The following RAD18 variants were observed in gnomAD, a reference collection of about 807,000 sequenced individuals.
RAD18 encodes the protein RAD18 E3 ubiquitin protein ligase.
In RAD18, 47 loss-of-function variants were observed where a neutral mutation model predicts 60.4. That is an observed-to-expected ratio of 0.78 (90% CI 0.62 to 0.99). The LOEUF is 0.99. Ranked by LOEUF, RAD18 falls within the 50% of genes least tolerant of loss-of-function variation. The pLI is 0.00. For synonymous variants in RAD18, 225 were observed against 195.5 expected, an observed-to-expected ratio of 1.15 and a Z score of -1.26; for missense variants, 640 against 593.3, an observed-to-expected ratio of 1.08 and a Z score of -0.82.
At chr3:8,957,224 G>A (rs577368326) in intron 2 of RAD18, among the ~76,000 whole-genome samples, 90 of 152,184 alleles carry the variant, frequency 5.9e-4, no homozygotes, top group Non-Finnish European at 2.5e-4. Context: ...CTGAAGACTC[G>A]GCATTGTTAA....
chr3:8,934,380 C>T (rs1940615114), intron 7 of RAD18, among the ~76,000 whole-genome samples: 1 of 152,092 alleles, frequency 6.6e-6, no homozygotes. Context: ...CAGGAAATTT[C>T]AATTACTCCC....
At chr3:8,945,774 T>C (rs1274105997) in intron 4 of RAD18, among the ~76,000 whole-genome samples, 2 of 152,178 alleles carry the variant, frequency 1.3e-5, no homozygotes, top group African/African-American at 2.4e-5. Context: ...CCGGCCTCCA[T>C]CTTCATTTTT....
intron 9 of RAD18, among the ~76,000 whole-genome samples, chr3:8,906,351 C>T (rs1940000899): frequency 6.6e-6 from 1 of 152,132 alleles, no homozygotes; most frequent in Admixed American, 6.5e-5. Flanking sequence ...CTTGACCCAA[C>T]ACCCCCCTCC....
At chr3:8,898,804 C>T in intron 11 of RAD18, 90 bp downstream of exon 11, 1 of 1,191,906 alleles carries the variant, frequency 8.4e-7, no homozygotes. Context: ...TGCCATGCCT[C>T]AAAGCTACAT....
At chr3:8,932,389 C>CA (rs1940576215) in intron 7 of RAD18, among the ~76,000 whole-genome samples, 1 of 151,958 alleles carries the variant, frequency 6.6e-6, no homozygotes, top group South Asian at 2.1e-4. Context: ...ATACAAATAG[C>CA]AAATAAAACT....
At chr3:8,920,245 C>T (rs570276054) in intron 7 of RAD18, among the ~76,000 whole-genome samples, 1 of 143,716 alleles carries the variant, frequency 7.0e-6, no homozygotes, top group South Asian at 2.2e-4. Context: ...TGCCACTGCA[C>T]TCCAGCCTGG....
At position 8,889,688 on chromosome 3, in the gene RAD18, G is replaced by T. The variant is rs59228286; in HGVS notation, c.1385+701C>A. Among the ~76,000 whole-genome samples the T allele has an allele frequency of 3.9e-3, 595 of 152,274 alleles. 7 individuals are homozygous for T. The highest frequency in any genetic ancestry group is 0.014 in the African/African-American group (570 of 41,554). Reference sequence around the variant, plus strand: ...TAAGACATCTATATGATGAAGCAGAGAGAATATGAAGTAAATAATAAGAGA... The same window carrying T: ...TAAGACATCTATATGATGAAGCAGATAGAATATGAAGTAAATAATAAGAGA... On this transcript the variant is annotated intron_variant, in intron 12 of 12. Coordinates refer to ENST00000264926, the MANE Select transcript of RAD18 (RefSeq NM_020165.4).
At chr3:8,881,536 C>A in intron 12 of RAD18, 77 bp from the exon 13 acceptor site, 1 of 1,175,510 alleles carries the variant, frequency 8.5e-7, no homozygotes. Context: ...CAAGTGTTTT[C>A]ACACATATTA....
chr3:8,889,068 T>C (rs1314404728), intron 12 of RAD18, among the ~76,000 whole-genome samples: 3 of 152,186 alleles, frequency 2.0e-5, no homozygotes, highest in Non-Finnish European at 4.4e-5. Context: ...CATAAAATGC[T>C]ACTGCTTGAA....
At chr3:8,947,323 C>T (rs781185383) in intron 3 of RAD18, 33 bp from the exon 4 acceptor site, 2 of 1,498,862 alleles carry the variant, frequency 1.3e-6, no homozygotes, top group Non-Finnish European at 1.9e-6. Context: ...GGAAAAAGGT[C>T]AAAAACAATA....
intron 4 of RAD18, among the ~76,000 whole-genome samples, chr3:8,946,650 C>A (rs147875582): frequency 6.6e-6 from 1 of 152,140 alleles, no homozygotes; most frequent in Non-Finnish European, 1.5e-5. Context: ...AAAGTACAAG[C>A]AATTACATAT....
intron 7 of RAD18, among the ~76,000 whole-genome samples, chr3:8,927,753 C>G (rs1453515441): frequency 2.0e-5 from 3 of 152,136 alleles, no homozygotes; most frequent in Admixed American, 2.0e-4. Flanking sequence ...AGTTCATGTC[C>G]TTTGTAGGGA....
chr3:8,906,184 G>GA (rs1939998749), intron 9 of RAD18, among the ~76,000 whole-genome samples: 1 of 152,090 alleles, frequency 6.6e-6, no homozygotes, highest in Non-Finnish European at 1.5e-5. Context: ...ACCATTTTGT[G>GA]AAGCTTTTGT....
chr3:8,887,559 T>C (rs763200687), intron 12 of RAD18, among the ~76,000 whole-genome samples: 1 of 152,228 alleles, frequency 6.6e-6, no homozygotes, highest in African/African-American at 2.4e-5. Flanking sequence ...TGTTGTTGCT[T>C]TTTGGTTGGC....
chr3:8,885,884 C>G (rs1033743515), intron 12 of RAD18, among the ~76,000 whole-genome samples: 17 of 152,164 alleles, frequency 1.1e-4, no homozygotes, highest in Non-Finnish European at 1.5e-5. Context: ...CATAAAGGCA[C>G]CCAACTGCTC....
At chr3:8,954,715 T>A (rs572054280) in intron 2 of RAD18, among the ~76,000 whole-genome samples, 76 of 152,274 alleles carry the variant, frequency 5.0e-4, no homozygotes, top group Middle Eastern at 6.8e-3. Context: ...TTAAAAATGA[T>A]AAATCATGAA....
intron 12 of RAD18, among the ~76,000 whole-genome samples, chr3:8,886,378 C>A (rs912697734): frequency 6.6e-6 from 1 of 152,118 alleles, no homozygotes; most frequent in African/African-American, 2.4e-5. Context: ...TTCTATGGGT[C>A]CCCTTGGCCA....
Position 8,890,419 on chromosome 3 carries a change from T to C in RAD18, c.1355A>G (p.Glu452Gly). The C allele has an allele frequency of 6.3e-7, 1 of 1,595,518 alleles. No homozygotes were observed. Among genetic ancestry groups the C allele is most frequent in the Non-Finnish European group, 8.6e-7 (1 of 1,163,172 alleles). ...SSSDIIRDLLEEEEAWEASHK... is the reference protein window; with the variant it reads ...SSSDIIRDLLGEEEAWEASHK... ...TGATGCTTCCCAGGCTTCCTCTTCT[T>C]CTAAAAGATCTCTTATGATGTCTGA... The change falls in exon 12 of 13, where the codon GAA becomes GGA. Residue 452 changes from glutamate (E) to glycine (G), a missense_variant. Glu to Gly is a moderately conservative substitution (Grantham distance 98). Transcript: ENST00000264926.
At chr3:8,894,237 C>A (rs1200483112) in intron 11 of RAD18, among the ~76,000 whole-genome samples, 1 of 152,000 alleles carries the variant, frequency 6.6e-6, no homozygotes, top group Non-Finnish European at 1.5e-5. Flanking sequence ...CAACACAGTT[C>A]TGGAAAAAAC....
Sources: allele counts gnomAD v4.1 joint callset (sites outside exome capture counted in the v4.1 genomes callset), GRCh38; gene constraint gnomAD v4.1.1; transcripts MANE v1.5; gene names NCBI Gene and HGNC (gene_info 2026-07-23, HGNC 2026-07-21).